The following GSE1 variants were observed in gnomAD, a reference collection of about 807,000 sequenced individuals.
GSE1 encodes Gse1 coiled-coil protein, also known as genetic suppressor element 1.
A neutral mutation model predicts 112.6 loss-of-function variants in GSE1; 32 were observed. The observed-to-expected ratio is 0.28, with a 90% CI of 0.21 to 0.38. The LOEUF (loss-of-function observed/expected upper bound fraction) is 0.38, where lower values mean the gene tolerates loss of function less well. Ranked by LOEUF, GSE1 falls within the 10% of genes least tolerant of loss-of-function variation. GSE1 has a pLI of 1.00. For synonymous variants in GSE1, 1,115 were observed against 735.6 expected, an observed-to-expected ratio of 1.52 and a Z score of -8.35; for missense variants, 2,348 against 1,699.2, an observed-to-expected ratio of 1.38 and a Z score of -6.71.
upstream of GSE1, among the ~76,000 whole-genome samples, chr16:85,609,776 T>C (rs2047884646): frequency 6.6e-6 from 1 of 151,966 alleles, no homozygotes; most frequent in East Asian, 1.9e-4. Context: ...TACCTCACTT[T>C]CCCAAGTAGA....
At chr16:85,449,944 G>C (rs2049627586) in intron 2 of GSE1, among the ~76,000 whole-genome samples, 1 of 152,166 alleles carries the variant, frequency 6.6e-6, no homozygotes, top group Admixed American at 6.5e-5. Context: ...ATGCCCACCA[G>C]GGCTCCCAGC....
intron 2 of GSE1, among the ~76,000 whole-genome samples, chr16:85,396,770 G>A (rs896135951): frequency 6.6e-6 from 1 of 152,216 alleles, no homozygotes. Flanking sequence ...GAGGGTGGCG[G>A]CAGGGGAGGC....
At chr16:85,313,710 G>T (rs564694674) in intron 1 of GSE1, among the ~76,000 whole-genome samples, 1 of 152,218 alleles carries the variant, frequency 6.6e-6, no homozygotes, top group Non-Finnish European at 1.5e-5. Context: ...AAGGAAGCCC[G>T]CGGAGAGCTG....
intron 2 of GSE1, among the ~76,000 whole-genome samples, chr16:85,479,894 G>T (rs1195104363): frequency 3.3e-5 from 5 of 152,136 alleles, no homozygotes; most frequent in Non-Finnish European, 7.4e-5. Context: ...TTATAGTTCT[G>T]CAGCATCGAG....
intron 1 of GSE1, among the ~76,000 whole-genome samples, chr16:85,618,835 A>AT (rs567294322): frequency 1.3e-5 from 2 of 152,180 alleles, no homozygotes; most frequent in African/African-American, 4.8e-5. Flanking sequence ...TTTTAAAGAA[A>AT]TTTTTTTGTG....
intron 2 of GSE1, among the ~76,000 whole-genome samples, chr16:85,449,712 A>AC (rs2049620209): frequency 6.6e-6 from 1 of 152,176 alleles, no homozygotes; most frequent in African/African-American, 2.4e-5. Context: ...AGCTGGGGGC[A>AC]CTGGGGCCAG....
chr16:85,607,813 T>G (rs1217191074), upstream of GSE1, among the ~76,000 whole-genome samples: 1 of 152,260 alleles, frequency 6.6e-6, no homozygotes, highest in African/African-American at 2.4e-5. Context: ...ACTGTGTCCC[T>G]GCTAGGAGAC....
intron 1 of GSE1, among the ~76,000 whole-genome samples, chr16:85,333,505 C>T (rs540007325): frequency 6.6e-6 from 1 of 152,272 alleles, no homozygotes; most frequent in Non-Finnish European, 1.5e-5. Context: ...CACCTCACCC[C>T]CTTAGGGCTT....
chr16:85,595,986 A>C (rs1304329175), intron 1 of GSE1, among the ~76,000 whole-genome samples: 2 of 112,862 alleles, frequency 1.8e-5, no homozygotes, highest in Non-Finnish European at 3.6e-5. Context: ...CCACCCACTC[A>C]TTCCTCCATC....
intron 2 of GSE1, among the ~76,000 whole-genome samples, chr16:85,388,802 T>G (rs2047766478): frequency 6.6e-6 from 1 of 152,110 alleles, no homozygotes; most frequent in African/African-American, 2.4e-5. Flanking sequence ...CTTGACTCAG[T>G]TCTGACTACT....
intron 1 of GSE1, among the ~76,000 whole-genome samples, chr16:85,189,988 G>T (rs763482863): frequency 3.9e-5 from 6 of 152,050 alleles, no homozygotes; most frequent in Non-Finnish European, 8.8e-5. Flanking sequence ...AGTTTTTTGG[G>T]GGGCTTAAGA....
intron 1 of GSE1, among the ~76,000 whole-genome samples, chr16:85,182,455 G>T (rs1311181172): frequency 2.0e-5 from 3 of 152,206 alleles, no homozygotes; most frequent in Non-Finnish European, 4.4e-5. Context: ...GGTCCCTGCA[G>T]GGGGGATCGC....
chr16:85,538,939 C>T (rs1161745644), intron 2 of GSE1, among the ~76,000 whole-genome samples: 1 of 152,134 alleles, frequency 6.6e-6, no homozygotes, highest in East Asian at 1.9e-4. Flanking sequence ...TGGCCTACAG[C>T]TGTGTTCACC....
At chr16:85,635,618 G>A (rs2049931358) in intron 2 of GSE1, among the ~76,000 whole-genome samples, 1 of 152,182 alleles carries the variant, frequency 6.6e-6, no homozygotes, top group South Asian at 2.1e-4. Context: ...GTCAGAGCTG[G>A]CCCAGCTCCT....
chr16:85,445,077 G>C (rs2049475783), intron 2 of GSE1, among the ~76,000 whole-genome samples: 1 of 152,240 alleles, frequency 6.6e-6, no homozygotes, highest in Admixed American at 6.5e-5. Flanking sequence ...CCTTGCCCTT[G>C]ATCTTCCCTG....
intron 1 of GSE1, among the ~76,000 whole-genome samples, chr16:85,177,342 A>G (rs1381237354): frequency 6.6e-6 from 1 of 152,248 alleles, no homozygotes; most frequent in African/African-American, 2.4e-5. Context: ...AAGACCCCGC[A>G]TACAGAATTC....
At chr16:85,252,101 C>T (rs761376983) in intron 1 of GSE1, among the ~76,000 whole-genome samples, 12 of 152,208 alleles carry the variant, frequency 7.9e-5, no homozygotes, top group Non-Finnish European at 1.8e-4. Flanking sequence ...GGCTGACTCC[C>T]GCACTGTGGG....
In GSE1 at chr16:85,455,405, A is replaced by AG. The variant is rs539644082; in HGVS notation, c.2464+97762_2464+97763insG. Among the ~76,000 whole-genome samples, 340 of 150,882 alleles carry AG rather than the reference A, an allele frequency of 2.3e-3. 1 individual carries two copies. Among genetic ancestry groups the AG allele is most frequent in the African/African-American group, 7.9e-3 (323 of 40,752 alleles). On this transcript the variant is annotated intron_variant, in intron 2 of 2. Coordinates refer to the GSE1 transcript ENST00000637419. ...AAAGAGAGAGAGAGAGAGAGAGAGA[A>AG]AGAAAGAAAAGAAAAGAAAAGAAAA...
chr16:85,341,384 G>T (rs555662707), intron 1 of GSE1, among the ~76,000 whole-genome samples: 2 of 152,192 alleles, frequency 1.3e-5, no homozygotes, highest in African/African-American at 4.8e-5. Context: ...GAGGCCAGGC[G>T]TAGTGGCTTA....
Sources: allele counts gnomAD v4.1 joint callset (sites outside exome capture counted in the v4.1 genomes callset), GRCh38; gene constraint gnomAD v4.1.1; transcripts MANE v1.5; gene names NCBI Gene and HGNC (gene_info 2026-07-23, HGNC 2026-07-21).